KAZN: variants seen among roughly 807,000 people sequenced by gnomAD.
The protein encoded by KAZN is kazrin.
KAZN carries 40 observed loss-of-function variants against 87.4 expected under a neutral mutation model. That is an observed-to-expected ratio of 0.46 (90% CI 0.36 to 0.60). KAZN has a LOEUF of 0.60. KAZN is among the 20% of genes least tolerant of loss of function. The probability of loss-of-function intolerance (pLI) is 0.00; values close to 1 mark genes in which losing one functional copy is unlikely to be tolerated. For missense variants in KAZN, 898 were observed against 1,073.9 expected, an observed-to-expected ratio of 0.84 and a Z score of 2.29; for synonymous variants, 466 against 458.3, an observed-to-expected ratio of 1.02 and a Z score of -0.22.
chr1:15,109,159 T>C (rs1185973396), intron 13 of KAZN, among the ~76,000 whole-genome samples: 1 of 152,036 alleles, frequency 6.6e-6, no homozygotes, highest in African/African-American at 2.4e-5. Context: ...TCGAGGCCGG[T>C]AGATCACTTG....
At chr1:14,871,778 T>A (rs1652168983) in intron 1 of KAZN, among the ~76,000 whole-genome samples, 1 of 151,880 alleles carries the variant, frequency 6.6e-6, no homozygotes, top group Non-Finnish European at 1.5e-5. Context: ...ATTGACCAGA[T>A]CTGAGTCACA....
chr1:14,483,125 T>C (rs1669172390), intron 2 of KAZN, among the ~76,000 whole-genome samples: 1 of 152,234 alleles, frequency 6.6e-6, no homozygotes, highest in Non-Finnish European at 1.5e-5. Flanking sequence ...CATCCAAGTT[T>C]ACACTTCAGC....
chr1:13,954,351 A>G (rs1443511869), intron 1 of KAZN, among the ~76,000 whole-genome samples: 1 of 152,196 alleles, frequency 6.6e-6, no homozygotes. Context: ...TTAAAACCAC[A>G]CTTGCTTTCC....
At position 15,056,102 on chromosome 1, in the gene KAZN, C is replaced by A; in HGVS notation, c.738C>A (p.Ser246=). The A allele has an allele frequency of 6.2e-7, 1 of 1,610,774 alleles. No individual in the cohort carries two copies. ...LEAELAMAKQ[S]LATLTKDVPK... is the part of the protein sequence containing the mutation. The stretch of plus-strand genomic sequence containing the variant: ...CTTGCTCTCTCCAGGCCAAACAGTC[C>A]TTAGCTACGCTGACCAAGGACGTCC... Residue 246 remains serine (S), a synonymous_variant, in exon 5 of 15, where the codon TCC becomes TCA. Transcript: ENST00000376030. The surrounding 1 kb of genome is among the most constrained non-coding windows in gnomAD (Gnocchi z 5.4).
intron 2 of KAZN, among the ~76,000 whole-genome samples, chr1:14,973,219 C>T (rs965836482): frequency 2.6e-5 from 4 of 152,204 alleles, no homozygotes; most frequent in African/African-American, 9.7e-5. Context: ...TAGAATCCCA[C>T]TCATTCATTC....
intron 1 of KAZN, among the ~76,000 whole-genome samples, chr1:14,876,639 T>A (rs1652799985): frequency 6.6e-6 from 1 of 152,214 alleles, no homozygotes; most frequent in African/African-American, 2.4e-5. Flanking sequence ...CTTCTCTGTT[T>A]ACATTAGTCT....
At chr1:14,246,694 T>C (rs566099806) in intron 2 of KAZN, among the ~76,000 whole-genome samples, 1 of 152,262 alleles carries the variant, frequency 6.6e-6, no homozygotes, top group African/African-American at 2.4e-5. Context: ...CTGTTCTTTA[T>C]AGTTTTGCCT....
At chr1:14,491,046 A>G (rs1669620722) in intron 2 of KAZN, among the ~76,000 whole-genome samples, 1 of 152,230 alleles carries the variant, frequency 6.6e-6, no homozygotes, top group South Asian at 2.1e-4. Context: ...AAATGTTTAT[A>G]CATTTGTTCA....
intron 1 of KAZN, among the ~76,000 whole-genome samples, chr1:14,059,423 G>A (rs1230121362): frequency 6.6e-6 from 1 of 152,184 alleles, no homozygotes; most frequent in African/African-American, 2.4e-5. Flanking sequence ...GGAGAAGAAA[G>A]AAATATCCAG....
intron 2 of KAZN, among the ~76,000 whole-genome samples, chr1:14,328,985 A>T (rs1656651017): frequency 6.6e-6 from 1 of 152,180 alleles, no homozygotes; most frequent in South Asian, 2.1e-4. Context: ...TCTTTTATGG[A>T]TACAAGAAAA....
intron 2 of KAZN, among the ~76,000 whole-genome samples, chr1:14,382,115 G>T (rs983407666): frequency 1.3e-5 from 2 of 151,832 alleles, no homozygotes; most frequent in Non-Finnish European, 2.9e-5. Context: ...TAACTAAAGG[G>T]AAAAATCTCT....
At chr1:14,333,648 T>G (rs1252257026) in intron 2 of KAZN, among the ~76,000 whole-genome samples, 1 of 151,884 alleles carries the variant, frequency 6.6e-6, no homozygotes. Flanking sequence ...ATGGGGAAAA[T>G]AAAAGATTCG....
intron 2 of KAZN, among the ~76,000 whole-genome samples, chr1:15,013,012 G>C (rs1046756406): frequency 6.6e-6 from 1 of 152,200 alleles, no homozygotes; most frequent in Non-Finnish European, 1.5e-5. Flanking sequence ...GGCTCAGCCA[G>C]GTTCCCAGCT....
At chr1:14,220,252 C>A (rs1196071743) in intron 2 of KAZN, among the ~76,000 whole-genome samples, 1 of 152,190 alleles carries the variant, frequency 6.6e-6, no homozygotes, top group Non-Finnish European at 1.5e-5. Flanking sequence ...CTCATCATTT[C>A]TTTCTGTATG....
At chr1:13,929,047 CT>C (rs33984927) in intron 1 of KAZN, among the ~76,000 whole-genome samples, 22,018 of 100,982 alleles carry the variant, frequency 0.22, 2,151 homozygotes, top group African/African-American at 0.32. Context: ...AGCTTCAAGG[CT>C]TTTTTTTTTT....
At chr1:14,867,282 G>A (rs1476194485) in intron 1 of KAZN, among the ~76,000 whole-genome samples, 6 of 152,190 alleles carry the variant, frequency 3.9e-5, no homozygotes, top group African/African-American at 1.4e-4. Flanking sequence ...TGCGAGAGTG[G>A]GGAGAGTGGG....
chr1:14,495,206 T>C (rs1354292524), intron 2 of KAZN, among the ~76,000 whole-genome samples: 1 of 152,148 alleles, frequency 6.6e-6, no homozygotes, highest in Non-Finnish European at 1.5e-5. Flanking sequence ...TTTTAATGGA[T>C]TTCCCAGGTT....
intron 1 of KAZN, among the ~76,000 whole-genome samples, chr1:14,026,398 G>A (rs1226663489): frequency 2.0e-5 from 3 of 152,158 alleles, no homozygotes; most frequent in African/African-American, 7.2e-5. Flanking sequence ...AGCCAGGCTT[G>A]AAGACCCTAT....
At chr1:14,538,863 C>T (rs757549982) in intron 2 of KAZN, among the ~76,000 whole-genome samples, 2 of 152,196 alleles carry the variant, frequency 1.3e-5, no homozygotes, top group African/African-American at 4.8e-5. Flanking sequence ...AACACAGCAT[C>T]CACCACCATT....
Sources: allele counts gnomAD v4.1 joint callset (sites outside exome capture counted in the v4.1 genomes callset), GRCh38; gene constraint gnomAD v4.1.1; non-coding constraint Gnocchi (gnomAD v3.1); transcripts MANE v1.5; gene names NCBI Gene and HGNC (gene_info 2026-07-23, HGNC 2026-07-21).